Variants in ADAMTS18 observed in about 807,000 individuals in gnomAD.
ADAMTS18 encodes ADAM metallopeptidase with thrombospondin type 1 motif 18, also known as A disintegrin and metalloproteinase with thrombospondin motifs 18.
In ADAMTS18, 157 loss-of-function variants were observed where a neutral mutation model predicts 165.9. That is an observed-to-expected ratio of 0.95 (90% CI 0.83 to 1.08). ADAMTS18 has a LOEUF of 1.08. Ranked by LOEUF, ADAMTS18 falls within the 50% of genes least tolerant of loss-of-function variation. ADAMTS18 has a pLI of 0.00. For synonymous variants in ADAMTS18, 782 were observed against 578.2 expected (o/e 1.35, Z -5.06); for missense variants, 2,040 against 1,534.0 (o/e 1.33, Z -5.51).
chr16:77,296,329 C>A, intron 18 of ADAMTS18, among the ~76,000 whole-genome samples: 1 of 152,122 alleles, frequency 6.6e-6, no homozygotes, highest in East Asian at 1.9e-4. Flanking sequence ...GTGGAGTTAC[C>A]ACTTGGCCTA....
At chr16:77,301,151 T>A (rs1489547316) in intron 16 of ADAMTS18, among the ~76,000 whole-genome samples, 1 of 152,172 alleles carries the variant, frequency 6.6e-6, no homozygotes, top group Non-Finnish European at 1.5e-5. Context: ...CCATAAAGTC[T>A]GACTACTAAA....
intron 3 of ADAMTS18, among the ~76,000 whole-genome samples, chr16:77,374,994 C>A (rs2056928341): frequency 6.6e-6 from 1 of 151,700 alleles, no homozygotes. Flanking sequence ...AAATATAAAC[C>A]CAATACACCC....
intron 3 of ADAMTS18, among the ~76,000 whole-genome samples, chr16:77,422,438 T>C (rs1423229365): frequency 6.6e-6 from 1 of 151,100 alleles, no homozygotes; most frequent in Admixed American, 6.6e-5. Context: ...GGTGACATCA[T>C]TGGATAGCTT....
At chr16:77,379,530 C>A (rs1320034391) in intron 3 of ADAMTS18, among the ~76,000 whole-genome samples, 1 of 151,996 alleles carries the variant, frequency 6.6e-6, no homozygotes, top group African/African-American at 2.4e-5. Context: ...ACTCTGTCAC[C>A]CAGGCTGGAG....
chr16:77,407,135 T>A (rs999312196), intron 3 of ADAMTS18, among the ~76,000 whole-genome samples: 1 of 152,060 alleles, frequency 6.6e-6, no homozygotes, highest in African/African-American at 2.4e-5. Context: ...ACTTCTACAA[T>A]TGATAAGTGA....
chr16:77,383,751 C>T (rs1206276377), intron 3 of ADAMTS18, among the ~76,000 whole-genome samples: 2 of 152,138 alleles, frequency 1.3e-5, no homozygotes, highest in East Asian at 3.9e-4. Context: ...CCATCTTGGT[C>T]AGGCTGGTCT....
In ADAMTS18 at chr16:77,283,320, A is replaced by G. The variant is rs2055184380; in HGVS notation, c.*636T>C. 1 of 152,858 alleles carries G rather than the reference A, an allele frequency of 6.5e-6. No homozygotes were observed. The highest frequency in any genetic ancestry group is 1.5e-5 in the Non-Finnish European group (1 of 68,292). The allele number at this position is 152,858 out of a possible 1,614,324, so 9.5% of individuals were successfully genotyped here. On this transcript the variant is annotated 3_prime_UTR_variant, in exon 23 of 23. Transcript: ENST00000282849. Reference sequence around the variant, plus strand: ...CATAATATTCCTTGGAATACTTTTCAAGTTGTCAATTTTAGTCTCAGAGAC... The same window carrying G: ...CATAATATTCCTTGGAATACTTTTCGAGTTGTCAATTTTAGTCTCAGAGAC...
Position 77,434,398 on chromosome 16 carries a change from GA to G in ADAMTS18, c.178+19del. On this transcript the variant is annotated intron_variant, in intron 2 of 22. Transcript: ENST00000282849. Reference sequence around the variant, plus strand: ...AGTGCTGCGAAAGGCCCTTCTTGGGGATGGGGGGCAAATACGAACCATCATT... The same window carrying G: ...AGTGCTGCGAAAGGCCCTTCTTGGGGTGGGGGGCAAATACGAACCATCATT... 6.4e-7 allele frequency: 1 copy of G among 1,561,158 alleles called. No homozygotes were observed. The highest frequency in any genetic ancestry group is 8.6e-7 in the Non-Finnish European group (1 of 1,159,470).
chr16:77,373,815 T>C (rs1031611608), intron 3 of ADAMTS18, among the ~76,000 whole-genome samples: 3 of 152,132 alleles, frequency 2.0e-5, no homozygotes, highest in Admixed American at 2.0e-4. Context: ...GGAAACAAAA[T>C]GCAACCCTCT....
chr16:77,310,503 T>G (rs2055760653), intron 16 of ADAMTS18, among the ~76,000 whole-genome samples: 1 of 152,148 alleles, frequency 6.6e-6, no homozygotes, highest in African/African-American at 2.4e-5. Flanking sequence ...CAGCTATTTA[T>G]GCAGATGCTT....
intron 16 of ADAMTS18, among the ~76,000 whole-genome samples, chr16:77,300,979 A>T (rs2055571585): frequency 6.6e-6 from 1 of 152,210 alleles, no homozygotes; most frequent in Admixed American, 6.5e-5. Context: ...ATGTGTTTCC[A>T]ATATACTTTC....
chr16:77,330,463 T>C (rs2056169352), intron 12 of ADAMTS18, among the ~76,000 whole-genome samples: 2 of 152,184 alleles, frequency 1.3e-5, no homozygotes, highest in East Asian at 1.9e-4. Context: ...CAAGAGTTGC[T>C]ACCGTGAATG....
intron 16 of ADAMTS18, among the ~76,000 whole-genome samples, chr16:77,302,126 C>T (rs2055595633): frequency 6.6e-6 from 1 of 151,354 alleles, no homozygotes; most frequent in Admixed American, 6.6e-5. Context: ...TCCTTATTTC[C>T]ACAGTATTTT....
At chr16:77,364,015 C>A in intron 5 of ADAMTS18, 130 bp from the exon 6 acceptor site, 1 of 1,232,160 alleles carries the variant, frequency 8.1e-7, no homozygotes, top group Non-Finnish European at 1.2e-6. Flanking sequence ...ATACAATTTC[C>A]TCAAAACTCA....
In ADAMTS18 at chr16:77,356,048, T is replaced by C. The variant is rs2056625698; in HGVS notation, c.1352A>G (p.Asn451Ser). 2 of 1,613,926 alleles carry C rather than the reference T, an allele frequency of 1.2e-6. No homozygotes were observed. The highest frequency in any genetic ancestry group is 1.3e-5 in the African/African-American group (1 of 74,904). Reference sequence around the variant, plus strand: ...ATTGCCTTCAGCCTTTCTGCAGGGATTCCCTTCTCCATCGTGAATCATACC... The same window carrying C: ...ATTGCCTTCAGCCTTTCTGCAGGGACTCCCTTCTCCATCGTGAATCATACC... The part of the protein sequence containing the change: ...NFGMIHDGEG[N>S]PCRKAEGNIM... The change falls in exon 9 of 23, where the codon AAT becomes AGT. Residue 451 changes from asparagine (N) to serine (S), a missense_variant. Transcript: ENST00000282849.
At chr16:77,383,414 C>T (rs1270070165) in intron 3 of ADAMTS18, among the ~76,000 whole-genome samples, 1 of 152,088 alleles carries the variant, frequency 6.6e-6, no homozygotes, top group Non-Finnish European at 1.5e-5. Context: ...ACATTCACTC[C>T]ATTGCTGTTC....
chr16:77,391,892 G>C (rs1230156018), intron 3 of ADAMTS18, among the ~76,000 whole-genome samples: 1 of 152,190 alleles, frequency 6.6e-6, no homozygotes, highest in Non-Finnish European at 1.5e-5. Context: ...CCACATCATG[G>C]AAAGAAGGTG....
chr16:77,327,723 C>G (rs72628225), intron 12 of ADAMTS18, among the ~76,000 whole-genome samples: 49,727 of 152,098 alleles, frequency 0.33, 9,124 homozygotes, highest in East Asian at 0.67. Flanking sequence ...GTGTGCTCGT[C>G]TGCTACATGC....
chr16:77,400,854 T>G (rs2057322669), intron 3 of ADAMTS18, among the ~76,000 whole-genome samples: 1 of 152,088 alleles, frequency 6.6e-6, no homozygotes, highest in African/African-American at 2.4e-5. Context: ...TATACTGCTG[T>G]TGTTCCTTCC....
Sources: allele counts gnomAD v4.1 joint callset (sites outside exome capture counted in the v4.1 genomes callset), GRCh38; gene constraint gnomAD v4.1.1; transcripts MANE v1.5; gene names NCBI Gene and HGNC (gene_info 2026-07-23, HGNC 2026-07-21).